ANAPC1: variants seen among roughly 807,000 people sequenced by gnomAD.
The protein encoded by ANAPC1 is anaphase-promoting complex subunit 1.
In ANAPC1, 36 loss-of-function variants were observed where a neutral mutation model predicts 208.0. The observed-to-expected ratio is 0.17, with a 90% CI of 0.13 to 0.23. The LOEUF (loss-of-function observed/expected upper bound fraction) is 0.23. Among genes scored for constraint, ANAPC1 ranks in the 10% least tolerant of loss-of-function variants. ANAPC1 has a pLI of 1.00. For missense variants in ANAPC1, 942 were observed against 2,011.6 expected (o/e 0.47, Z 10.17); for synonymous variants, 378 against 695.2 (o/e 0.54, Z 7.18).
Position 111,850,814 on chromosome 2 carries a change from G to C in ANAPC1, c.1612C>G (p.Pro538Ala), listed in dbSNP as rs148969655. 9.6e-5 allele frequency: 155 copies of C among 1,611,776 alleles called. 1 individual carries two copies. The African/African-American group carries it at 1.9e-3, about 20-fold the overall frequency. The change falls in exon 14 of 48, where the codon CCA becomes GCA. Residue 538 changes from proline (P) to alanine (A), a missense_variant. By Grantham distance (27) the Pro-to-Ala change is conservative (BLOSUM62 -1). Transcript: ENST00000341068. ...PSTPLDGVST[P>A]KPLSKLLGSL... ...CCAAGGAGTTTACTAAGAGGCTTTG[G>C]AGTACTAACGCCATCTAGTGGAGTA...
In ANAPC1 at chr2:111,858,467, AAAAG is replaced by A. The variant is rs1386186041; in HGVS notation, c.1263-70_1263-67del. The A allele has an allele frequency of 4.0e-5, 57 of 1,430,436 alleles. No individual in the cohort carries two copies. The African/African-American group carries it at 6.6e-4, about 17-fold the overall frequency. 88.6% of individuals were successfully genotyped at this position (1,430,436 alleles called of 1,614,324 possible). A position where few individuals can be genotyped will look rare whatever the true frequency, so the allele number is the denominator to read the frequency against. ...CCAAGAATCTACCACAGTAACTATTAAAAGTCTTTGAGGCCGGGCGCGGTGGCTC... is the reference window on the plus strand; with the variant it reads ...CCAAGAATCTACCACAGTAACTATTATCTTTGAGGCCGGGCGCGGTGGCTC... On this transcript the variant is annotated intron_variant, in intron 10 of 47. Coordinates refer to ENST00000341068, the MANE Select transcript of ANAPC1 (RefSeq NM_022662.4).
chr2:111,840,498 G>GA (rs1457906239), intron 17 of ANAPC1, among the ~76,000 whole-genome samples: 5 of 152,036 alleles, frequency 3.3e-5, no homozygotes, highest in Non-Finnish European at 7.4e-5. Flanking sequence ...CTCTGCAAAG[G>GA]AAAAAATGGG....
chr2:111,789,807 G>A (rs550990316), intron 38 of ANAPC1, among the ~76,000 whole-genome samples: 7 of 152,324 alleles, frequency 4.6e-5, no homozygotes, highest in East Asian at 3.9e-4. Context: ...AAATCAATTC[G>A]ATACGAAAGA....
rs1249048362 is a variant in ANAPC1 at position 111,809,125 on chromosome 2, G to C, written c.3654C>G (p.Gly1218=). The change falls in exon 29 of 48, where the codon GGC becomes GGG. Residue 1218 remains glycine, a synonymous_variant. Transcript: ENST00000341068. ...GCCGAGTAATAGACATATCCATGGT[G>C]CCTAGTTTTGCAGCAGAAACACCAA... is the stretch of plus-strand genomic sequence containing the variant. The part of the protein sequence containing the change: ...LLLGVSAAKL[G]TMDMSITRLL... The C allele has an allele frequency of 2.5e-6, 4 of 1,611,402 alleles. No homozygotes were observed. Among genetic ancestry groups the C allele is most frequent in the Non-Finnish European group, 3.4e-6 (4 of 1,179,802 alleles).
intron 9 of ANAPC1, among the ~76,000 whole-genome samples, chr2:111,863,292 A>C (rs1232317877): frequency 6.6e-6 from 1 of 151,832 alleles, no homozygotes; most frequent in Non-Finnish European, 1.5e-5. Context: ...GCAGATCACA[A>C]GGTCAGGAGA....
chr2:111,785,725 G>A (rs1334647432), intron 39 of ANAPC1, among the ~76,000 whole-genome samples: 2 of 151,990 alleles, frequency 1.3e-5, no homozygotes, highest in Non-Finnish European at 2.9e-5. Context: ...GGTTTTACAG[G>A]GAGGTAAAAA....
chr2:111,857,474 G>C (rs558810479), intron 11 of ANAPC1, among the ~76,000 whole-genome samples: 9 of 152,336 alleles, frequency 5.9e-5, no homozygotes, highest in Non-Finnish European at 1.3e-4. Context: ...ATGCATTAGA[G>C]AAAAGCAAAT....
chr2:111,787,672 G>A (rs1358787652), intron 39 of ANAPC1, among the ~76,000 whole-genome samples: 2 of 151,872 alleles, frequency 1.3e-5, no homozygotes, highest in Non-Finnish European at 2.9e-5. Flanking sequence ...GTGGTTCCTC[G>A]TACCCTAAAA....
chr2:111,868,214 A>C (rs975367400), intron 6 of ANAPC1, 118 bp from the exon 7 acceptor site: 4 of 553,178 alleles, frequency 7.2e-6, no homozygotes, highest in African/African-American at 3.9e-5. Flanking sequence ...CTACTATCTC[A>C]AAATGCAATC....
intron 47 of ANAPC1, among the ~76,000 whole-genome samples, chr2:111,770,748 C>T (rs964528284): frequency 1.4e-5 from 2 of 139,924 alleles, no homozygotes; most frequent in African/African-American, 5.5e-5. Flanking sequence ...TTTTTCAGTT[C>T]TAGAATTTCC....
chr2:111,862,705 T>C (rs1573489146), intron 9 of ANAPC1, 107 bp from the exon 10 acceptor site: 1 of 1,454,128 alleles, frequency 6.9e-7, no homozygotes, highest in Non-Finnish European at 9.1e-7. Flanking sequence ...AGAGCATTCA[T>C]GGCATAATCC....
chr2:111,771,925 T>C (rs983595661), intron 47 of ANAPC1, among the ~76,000 whole-genome samples: 5 of 151,242 alleles, frequency 3.3e-5, no homozygotes, highest in Non-Finnish European at 5.9e-5. Context: ...TTTAAAACTA[T>C]TATAAAAAAA....
chr2:111,766,887 T>A, downstream of ANAPC1: 2 of 464,420 alleles, frequency 4.3e-6, no homozygotes. Flanking sequence ...AGTCAGCTAG[T>A]TACTAGACAA....
intron 16 of ANAPC1, among the ~76,000 whole-genome samples, chr2:111,844,136 G>A (rs1680923350): frequency 6.6e-6 from 1 of 151,920 alleles, no homozygotes; most frequent in Admixed American, 6.6e-5. Context: ...ACAGCTTTTT[G>A]ATCATTAATT....
At position 111,856,761 on chromosome 2, in the gene ANAPC1, C is replaced by A; in HGVS notation, c.1449+35G>T. ...TTTTTGACTGAAAAATCTGTTGAAG[C>A]GTAATTGTCAACTTCTCAAATGTGC... On this transcript the variant is annotated intron_variant, in intron 12 of 47. Coordinates refer to ENST00000341068, the MANE Select transcript of ANAPC1 (RefSeq NM_022662.4). The A allele has an allele frequency of 6.2e-7, 1 of 1,612,826 alleles. No homozygotes were observed. The highest frequency in any genetic ancestry group is 8.5e-7 in the Non-Finnish European group (1 of 1,178,980).
intron 25 of ANAPC1, chr2:111,821,745 C>T: frequency 7.5e-6 from 3 of 399,780 alleles, no homozygotes; most frequent in Non-Finnish European, 1.4e-5. Context: ...ACCAGCCTGG[C>T]CAACATGGTG....
intron 10 of ANAPC1, among the ~76,000 whole-genome samples, chr2:111,860,386 G>C (rs1480179230): frequency 7.1e-6 from 1 of 141,406 alleles, no homozygotes; most frequent in Non-Finnish European, 1.5e-5. Flanking sequence ...AACTCTCCTT[G>C]ACCAAGACTC....
At chr2:111,859,204 C>T (rs1206947582) in intron 10 of ANAPC1, among the ~76,000 whole-genome samples, 6 of 152,102 alleles carry the variant, frequency 3.9e-5, no homozygotes, top group Non-Finnish European at 7.4e-5. Flanking sequence ...TACAGAAGGC[C>T]GGGTGTGGTG....
At chr2:111,879,927 T>C (rs7563616) in intron 2 of ANAPC1, among the ~76,000 whole-genome samples, 87,632 of 152,066 alleles carry the variant, frequency 0.58, 26,341 homozygotes, top group South Asian at 0.69. Context: ...CTTCTCTCCT[T>C]TAGAAACATG....
Sources: allele counts gnomAD v4.1 joint callset (sites outside exome capture counted in the v4.1 genomes callset), GRCh38; gene constraint gnomAD v4.1.1; transcripts MANE v1.5; gene names NCBI Gene and HGNC (gene_info 2026-07-23, HGNC 2026-07-21).